The following IQCH variants were observed in gnomAD, a reference collection of about 807,000 sequenced individuals.
IQCH encodes IQ motif containing H, also known as IQ domain-containing protein H.
In IQCH, 98 loss-of-function variants were observed where a neutral mutation model predicts 117.0. That is an observed-to-expected ratio of 0.84 (90% CI 0.71 to 0.99). The LOEUF (loss-of-function observed/expected upper bound fraction) is 0.99, where lower values mean the gene tolerates loss of function less well. IQCH is among the 50% of genes least tolerant of loss of function. The pLI is 0.00. For missense variants in IQCH, 1,102 were observed against 1,243.8 expected, an observed-to-expected ratio of 0.89 and a Z score of 1.72; for synonymous variants, 412 against 448.2, an observed-to-expected ratio of 0.92 and a Z score of 1.02.
chr15:67,371,388 A>G (rs1360672822), intron 8 of IQCH: 4 of 949,800 alleles, frequency 4.2e-6, no homozygotes, highest in Middle Eastern at 4.6e-4. Flanking sequence ...ACAGGTGGGA[A>G]CAAAATGAAA....
In IQCH at chr15:67,371,550, T is replaced by TA. The variant is rs759627501; in HGVS notation, c.754-559dup. ...ATGACAAAGGTGATAACATATAACA[T>TA]AATGTTCCTTGTAAAAATGACCTCT... On this transcript the variant is annotated intron_variant, in intron 8 of 20. Transcript: ENST00000335894. 1.2e-5 allele frequency: 17 copies of TA among 1,424,714 alleles called. No homozygotes were observed. The African/African-American group carries it at 2.3e-4, about 19-fold the overall frequency. The allele number at this position is 1,424,714 out of a possible 1,614,324, so 88.3% of individuals were successfully genotyped here. A position where few individuals can be genotyped will look rare whatever the true frequency, so the allele number is the denominator to read the frequency against.
chr15:67,280,100 T>A (rs1459588688), intron 4 of IQCH, among the ~76,000 whole-genome samples: 6 of 152,186 alleles, frequency 3.9e-5, no homozygotes, highest in African/African-American at 1.4e-4. Flanking sequence ...AAGTAAGAAA[T>A]TTGCTTTGTG....
intron 8 of IQCH, among the ~76,000 whole-genome samples, chr15:67,371,874 A>T (rs1970546041): frequency 6.6e-6 from 1 of 152,186 alleles, no homozygotes; most frequent in South Asian, 2.1e-4. Flanking sequence ...ATTTTATAAC[A>T]CTTTTATAAA....
In IQCH at chr15:67,457,458, T is replaced by C. The variant is rs1476296670; in HGVS notation, c.2506-7669T>C. The stretch of plus-strand genomic sequence containing the variant: ...TATTTAAATAGCATCTGCAAAGAGT[T>C]AAATGTGCTCCCTGTCTCTGAGAAG... On this transcript the variant is annotated intron_variant, in intron 16 of 20. Transcript: ENST00000335894. The surrounding 1 kb of genome is among the most constrained non-coding windows in gnomAD (Gnocchi z 5.7). 6.6e-6 allele frequency among the ~76,000 whole-genome samples: 1 copy of C among 152,226 alleles called. No homozygotes were observed. The highest frequency in any genetic ancestry group is 1.9e-4 in the East Asian group (1 of 5,194).
intron 3 of IQCH, among the ~76,000 whole-genome samples, chr15:67,275,854 T>A (rs1396548877): frequency 6.6e-6 from 1 of 152,244 alleles, no homozygotes; most frequent in Non-Finnish European, 1.5e-5. Context: ...CACTCCAGCC[T>A]GAGTGACAGA....
chr15:67,354,534 C>T (rs141475177), intron 6 of IQCH, among the ~76,000 whole-genome samples: 10 of 152,100 alleles, frequency 6.6e-5, no homozygotes, highest in African/African-American at 1.7e-4. Context: ...TTCTACTTCT[C>T]GATTAAAAGC....
chr15:67,373,598 G>A (rs968189504), intron 10 of IQCH, 165 bp downstream of exon 10: 27 of 679,804 alleles, frequency 4.0e-5, no homozygotes, highest in Non-Finnish European at 6.6e-5. Flanking sequence ...CGCTTGAAAC[G>A]GCGTTTAATT....
intron 4 of IQCH, among the ~76,000 whole-genome samples, chr15:67,308,752 G>A (rs1596150193): frequency 6.6e-6 from 1 of 152,152 alleles, no homozygotes; most frequent in Middle Eastern, 3.4e-3. Flanking sequence ...TGTCAATTCT[G>A]CATTGGTTTG....
intron 4 of IQCH, among the ~76,000 whole-genome samples, chr15:67,313,595 A>C (rs1011495540): frequency 5.3e-5 from 8 of 152,166 alleles, no homozygotes; most frequent in Non-Finnish European, 1.2e-4. Context: ...AAGCAAAGGC[A>C]GAGGTAGAGA....
chr15:67,283,382 A>G (rs1296539661), intron 4 of IQCH, among the ~76,000 whole-genome samples: 4 of 152,198 alleles, frequency 2.6e-5, no homozygotes, highest in Non-Finnish European at 5.9e-5. Context: ...AACAGATAAC[A>G]TTTTGAGTCA....
intron 4 of IQCH, among the ~76,000 whole-genome samples, chr15:67,303,422 A>G (rs1967148870): frequency 6.6e-6 from 1 of 152,174 alleles, no homozygotes; most frequent in African/African-American, 2.4e-5. Context: ...GGTGAATTTT[A>G]TGGTATATGC....
chr15:67,473,573 C>T lies in IQCH; in HGVS notation c.2677-2123C>T, dbSNP rs1352269391. 1.3e-5 allele frequency among the ~76,000 whole-genome samples: 2 copies of T among 152,220 alleles called. No homozygotes were observed. The highest frequency in any genetic ancestry group is 4.8e-5 in the African/African-American group (2 of 41,442). On this transcript the variant is annotated intron_variant, in intron 17 of 20. Coordinates refer to ENST00000335894, the MANE Select transcript of IQCH (RefSeq NM_001031715.3). The surrounding 1 kb of genome is among the most constrained non-coding windows in gnomAD (Gnocchi z 4.9). ...TTAAATTACATACTTTGAAGAGTCT[C>T]TTAAGTCAGAGGGAAGAGCTATCCA...
chr15:67,304,453 T>A, intron 4 of IQCH: 3 of 1,461,678 alleles, frequency 2.1e-6, no homozygotes, highest in African/African-American at 1.4e-5. Context: ...GAGAAAAGCA[T>A]GTGTAAGTAA....
At chr15:67,264,674 C>G (rs753027444) in intron 3 of IQCH, among the ~76,000 whole-genome samples, 1 of 151,946 alleles carries the variant, frequency 6.6e-6, no homozygotes, top group Non-Finnish European at 1.5e-5. Flanking sequence ...CTACTCTGTT[C>G]TGTTGTTAGA....
At chr15:67,323,198 A>G (rs544829646) in intron 4 of IQCH, among the ~76,000 whole-genome samples, 30 of 141,760 alleles carry the variant, frequency 2.1e-4, no homozygotes, top group African/African-American at 7.9e-4. Context: ...TATCCCATCC[A>G]TTTTTTGTTC....
intron 8 of IQCH, among the ~76,000 whole-genome samples, chr15:67,361,084 T>G (rs935519454): frequency 1.3e-5 from 2 of 152,232 alleles, no homozygotes; most frequent in African/African-American, 4.8e-5. Context: ...GCAGAACCTA[T>G]GTGCTGCAGT....
At chr15:67,260,402 G>A (rs1965408528) in intron 1 of IQCH, among the ~76,000 whole-genome samples, 1 of 152,144 alleles carries the variant, frequency 6.6e-6, no homozygotes, top group Non-Finnish European at 1.5e-5. Flanking sequence ...TTTTTCTTCA[G>A]GGATTATTTT....
At position 67,416,705 on chromosome 15, in the gene IQCH, G is replaced by A. The variant is rs558179072; in HGVS notation, c.2098-226G>A. ...CCCAGAGAGAAGGGTGCCTTTCAGA[G>A]ACAACAGGAACAATTAAGAATTTTT... On this transcript the variant is annotated intron_variant, in intron 14 of 20. Coordinates refer to ENST00000335894, the MANE Select transcript of IQCH (RefSeq NM_001031715.3). The surrounding 1 kb of genome is among the most constrained non-coding windows in gnomAD (Gnocchi z 5.1). Among the ~76,000 whole-genome samples the A allele has an allele frequency of 1.3e-5, 2 of 152,230 alleles. No homozygotes were observed. Among genetic ancestry groups the A allele is most frequent in the African/African-American group, 2.4e-5 (1 of 41,544 alleles).
At chr15:67,321,013 C>G (rs962625661) in intron 4 of IQCH, among the ~76,000 whole-genome samples, 4 of 152,148 alleles carry the variant, frequency 2.6e-5, no homozygotes, top group Admixed American at 1.3e-4. Flanking sequence ...CAGAATAGCT[C>G]ACAGAACTAT....
Sources: allele counts gnomAD v4.1 joint callset (sites outside exome capture counted in the v4.1 genomes callset), GRCh38; gene constraint gnomAD v4.1.1; non-coding constraint Gnocchi (gnomAD v3.1); transcripts MANE v1.5; gene names NCBI Gene and HGNC (gene_info 2026-07-23, HGNC 2026-07-21).